The following PPP2R2B variants were observed in gnomAD, a reference collection of about 807,000 sequenced individuals.
PPP2R2B encodes protein phosphatase 2 regulatory subunit Bbeta.
A neutral mutation model predicts 46.0 loss-of-function variants in PPP2R2B; 5 were observed. That is an observed-to-expected ratio of 0.11 (90% CI 0.06 to 0.23). The LOEUF is 0.23. Among genes scored for constraint, PPP2R2B ranks in the 10% least tolerant of loss-of-function variants. The pLI is 1.00. For missense variants in PPP2R2B, 367 were observed against 575.0 expected (o/e 0.64, Z 3.70); for synonymous variants, 215 against 206.7 (o/e 1.04, Z -0.34).
At chr5:147,035,156 T>C (rs1159872709) in intron 1 of PPP2R2B, 1 of 454,712 alleles carries the variant, frequency 2.2e-6, no homozygotes, top group South Asian at 1.6e-5. Flanking sequence ...AAAGAAAAGT[T>C]TAATTGACTC....
intron 7 of PPP2R2B, among the ~76,000 whole-genome samples, chr5:146,620,425 A>C (rs1311746571): frequency 6.6e-6 from 1 of 152,204 alleles, no homozygotes; most frequent in African/African-American, 2.4e-5. Context: ...TCTCTCCAGC[A>C]GGCAGCCGTA....
chr5:146,590,350 G>C, intron 9 of PPP2R2B, 124 bp from the exon 10 acceptor site: 1 of 902,648 alleles, frequency 1.1e-6, no homozygotes, highest in Non-Finnish European at 1.6e-6. Context: ...ACCAAAAAAT[G>C]AGAACAGGCT....
chr5:146,988,636 T>C (rs1369450222), intron 1 of PPP2R2B, among the ~76,000 whole-genome samples: 2 of 152,016 alleles, frequency 1.3e-5, no homozygotes, highest in South Asian at 4.1e-4. Flanking sequence ...AGAGAAGTCA[T>C]TGTAATAAAT....
chr5:147,000,290 T>A (rs1047748912), intron 1 of PPP2R2B, among the ~76,000 whole-genome samples: 1 of 152,150 alleles, frequency 6.6e-6, no homozygotes, highest in Non-Finnish European at 1.5e-5. Context: ...TTGATTCTAA[T>A]CCCTGCTGTT....
At chr5:146,820,916 T>A (rs1333361613) in intron 2 of PPP2R2B, among the ~76,000 whole-genome samples, 4 of 152,104 alleles carry the variant, frequency 2.6e-5, no homozygotes, top group Non-Finnish European at 5.9e-5. Context: ...ATCCCTCTCA[T>A]AAATCTCCTT....
chr5:146,816,599 A>C (rs1757946663), intron 2 of PPP2R2B, among the ~76,000 whole-genome samples: 1 of 152,258 alleles, frequency 6.6e-6, no homozygotes, highest in Admixed American at 6.5e-5. Context: ...AATTTTATTT[A>C]AAACTGATTT....
chr5:146,714,949 T>C (rs1780411536), intron 2 of PPP2R2B, among the ~76,000 whole-genome samples: 1 of 152,178 alleles, frequency 6.6e-6, no homozygotes, highest in Non-Finnish European at 1.5e-5. Context: ...TTTAGCTACC[T>C]ACTATCTGCC....
intron 1 of PPP2R2B, among the ~76,000 whole-genome samples, chr5:146,980,415 C>T (rs962207272): frequency 6.6e-6 from 1 of 152,106 alleles, no homozygotes; most frequent in Non-Finnish European, 1.5e-5. Flanking sequence ...TTACACCATC[C>T]CTCCCCTCCC....
chr5:146,985,254 C>T (rs561075415), intron 1 of PPP2R2B, among the ~76,000 whole-genome samples: 74 of 152,032 alleles, frequency 4.9e-4, no homozygotes, highest in Admixed American at 2.2e-3. Context: ...CTCCTGATCT[C>T]GTGATCCACC....
chr5:146,877,363 A>G (rs190127973), intron 2 of PPP2R2B, among the ~76,000 whole-genome samples: 14 of 152,202 alleles, frequency 9.2e-5, no homozygotes, highest in African/African-American at 3.4e-4. Flanking sequence ...CATAATGGTG[A>G]TTTTTAAAGG....
rs1309500560 is a variant in PPP2R2B at position 146,983,725 on chromosome 5, AG to A, written c.79+71939del. 5.3e-5 allele frequency among the ~76,000 whole-genome samples: 8 copies of A among 152,290 alleles called. No homozygotes were observed. The South Asian group carries it at 1.5e-3, about 28-fold the overall frequency. ...TTGCTTCAATTGTTAAATATAATTT[AG>A]AGAACACAACAGAAAAAAGAAAATC... On this transcript the variant is annotated intron_variant, in intron 1 of 8. Transcript: ENST00000336640.
At chr5:147,016,421 A>G (rs1755008010) in intron 1 of PPP2R2B, among the ~76,000 whole-genome samples, 1 of 151,394 alleles carries the variant, frequency 6.6e-6, no homozygotes, top group South Asian at 2.1e-4. Context: ...TTTTACTTCT[A>G]AGACGTTGTT....
chr5:146,952,717 A>G (rs1464769864), intron 1 of PPP2R2B, among the ~76,000 whole-genome samples: 2 of 152,138 alleles, frequency 1.3e-5, no homozygotes, highest in African/African-American at 4.8e-5. Flanking sequence ...AAAGGCAGTA[A>G]CACCATCTGT....
chr5:146,685,044 C>G (rs1012291760), intron 5 of PPP2R2B, among the ~76,000 whole-genome samples: 3 of 152,186 alleles, frequency 2.0e-5, no homozygotes, highest in Non-Finnish European at 2.9e-5. Context: ...TTTCATTCAT[C>G]TTTGTAAGAG....
intron 5 of PPP2R2B, among the ~76,000 whole-genome samples, chr5:146,665,656 C>T (rs2077729): frequency 0.94 from 143,360 of 152,292 alleles, 67,837 homozygotes; most frequent in East Asian, 1. Context: ...CATTCACAAC[C>T]TGGCTAACTC....
At chr5:146,649,405 C>T (rs1437728581) in intron 6 of PPP2R2B, among the ~76,000 whole-genome samples, 1 of 149,558 alleles carries the variant, frequency 6.7e-6, no homozygotes, top group Non-Finnish European at 1.5e-5. Flanking sequence ...ACTGGCCCAG[C>T]TATTCAGCAT....
chr5:146,656,460 T>A (rs965744615), intron 5 of PPP2R2B: 15 of 152,080 alleles, frequency 9.9e-5, no homozygotes, highest in African/African-American at 3.4e-4. Flanking sequence ...ACAGGCACGA[T>A]CCCACTACTG....
intron 1 of PPP2R2B, among the ~76,000 whole-genome samples, chr5:146,970,564 C>T (rs1174559306): frequency 1.3e-5 from 2 of 151,726 alleles, no homozygotes; most frequent in Admixed American, 6.6e-5. Context: ...TGTCACTGCA[C>T]TCCAGTCTAG....
intron 2 of PPP2R2B, among the ~76,000 whole-genome samples, chr5:146,761,679 A>G (rs187371242): frequency 2.7e-3 from 409 of 152,264 alleles, no homozygotes; most frequent in African/African-American, 9.3e-3. Flanking sequence ...TGGATTTTGT[A>G]GTCAGATTGC....
Sources: allele counts gnomAD v4.1 joint callset (sites outside exome capture counted in the v4.1 genomes callset), GRCh38; gene constraint gnomAD v4.1.1; transcripts MANE v1.5; gene names NCBI Gene and HGNC (gene_info 2026-07-23, HGNC 2026-07-21).